PIWIL1: variants seen among roughly 807,000 people sequenced by gnomAD.
The protein encoded by PIWIL1 is piwi-like protein 1.
Under a neutral mutation model 114.4 loss-of-function variants are expected in PIWIL1, and 73 were observed. The ratio of observed to expected loss-of-function variants is 0.64; its 90% CI spans 0.53 to 0.78. The LOEUF (loss-of-function observed/expected upper bound fraction) is 0.78. PIWIL1 is among the 30% of genes least tolerant of loss of function. The probability of loss-of-function intolerance (pLI) is 0.00; values close to 1 mark genes in which losing one functional copy is unlikely to be tolerated. For missense variants in PIWIL1, 723 were observed against 1,063.1 expected (o/e 0.68, Z 4.45); for synonymous variants, 375 against 369.0 (o/e 1.02, Z -0.19).
At chr12:130,347,099 G>T in intron 6 of PIWIL1, 37 bp downstream of exon 6, 1 of 1,447,724 alleles carries the variant, frequency 6.9e-7, no homozygotes. Flanking sequence ...TAAGAAAACA[G>T]CAAAGTTGAA....
At chr12:130,353,263 G>A (rs1313065131) in intron 9 of PIWIL1, among the ~76,000 whole-genome samples, 2 of 144,000 alleles carry the variant, frequency 1.4e-5, no homozygotes, top group African/African-American at 4.9e-5. Flanking sequence ...GGTATGCTCA[G>A]TGGAGGTGTG....
the PIWIL1 span, among the ~76,000 whole-genome samples, chr12:130,392,498 G>GGA: frequency 7.1e-4 from 63 of 89,256 alleles, 8 homozygotes; most frequent in African/African-American, 2.7e-3. Context: ...GTCATCACGT[G>GGA]TCCGTCAGTT....
chr12:130,378,411 T>G, the PIWIL1 span, among the ~76,000 whole-genome samples: 1 of 152,240 alleles, frequency 6.6e-6, no homozygotes, highest in Non-Finnish European at 1.5e-5. Context: ...TTGGCTAGTA[T>G]AGTAGACTAC....
intron 1 of PIWIL1, among the ~76,000 whole-genome samples, chr12:130,339,098 C>T (rs1195458121): frequency 2.0e-5 from 3 of 152,080 alleles, no homozygotes; most frequent in Non-Finnish European, 4.4e-5. Context: ...GCCGCCGCTG[C>T]GCTGCGCCCC....
intron 19 of PIWIL1, among the ~76,000 whole-genome samples, chr12:130,370,078 C>G (rs1211751472): frequency 6.6e-6 from 1 of 152,128 alleles, no homozygotes; most frequent in South Asian, 2.1e-4. Context: ...TTCTTAACTC[C>G]TCATTCTTTG....
chr12:130,346,317 C>A, intron 4 of PIWIL1, 53 bp from the exon 5 acceptor site: 3 of 1,390,586 alleles, frequency 2.2e-6, no homozygotes, highest in Non-Finnish European at 3.0e-6. Context: ...GGAAAGATTT[C>A]AAGGAAAAAT....
At chr12:130,397,309 T>G in the PIWIL1 span, 2 of 398,404 alleles carry the variant, frequency 5.0e-6, no homozygotes, top group African/African-American at 4.1e-5. Flanking sequence ...AAGCCCTAGT[T>G]TGGAATTAAA....
rs1291973628 is a variant in PIWIL1, at chr12:130,340,645, GTGGGGGGAGGGGGGT to G, written c.-12-1931_-12-1917del. ...GGTGGTGGTGGTTGGGGGAGGGGGG[GTGGGGGGAGGGGGGT>G]TGGTGGTGGTGGTGGTGGTGCTGCT... On this transcript the variant is annotated intron_variant, in intron 1 of 20. Transcript: ENST00000245255. Among the ~76,000 whole-genome samples, 16 of 46,776 alleles carry G rather than the reference GTGGGGGGAGGGGGGT, an allele frequency of 3.4e-4. 1 individual carries two copies. Among genetic ancestry groups the G allele is most frequent in the Non-Finnish European group, 6.5e-4 (12 of 18,520 alleles). 30.7% of individuals were successfully genotyped at this position (46,776 alleles called of 152,430 possible). A position where few individuals can be genotyped will look rare whatever the true frequency, so the allele number is the denominator to read the frequency against.
At chr12:130,422,640 G>T in the PIWIL1 span, 1 of 1,041,836 alleles carries the variant, frequency 9.6e-7, no homozygotes, top group Non-Finnish European at 1.4e-6. This position sits in a 1 kb window ranked among gnomAD's most constrained non-coding sequence, Gnocchi z 5.2. Context: ...AATCAAGCGG[G>T]TTGAAAAGCA....
chr12:130,424,724 G>A, the PIWIL1 span: 53 of 1,232,288 alleles, frequency 4.3e-5, no homozygotes, highest in East Asian at 8.2e-4. This position sits in a 1 kb window ranked among gnomAD's most constrained non-coding sequence, Gnocchi z 9.8. Flanking sequence ...CACCCTGCTT[G>A]TGTAGCAGCC....
chr12:130,358,098 T>TG (rs2073414524), intron 14 of PIWIL1, among the ~76,000 whole-genome samples: 1 of 152,124 alleles, frequency 6.6e-6, no homozygotes, highest in Admixed American at 6.5e-5. Context: ...GTGTTGTTGT[T>TG]GTGTGTGCTT....
the PIWIL1 span, among the ~76,000 whole-genome samples, chr12:130,406,687 C>T: frequency 2.6e-5 from 4 of 152,186 alleles, no homozygotes; most frequent in Non-Finnish European, 5.9e-5. Flanking sequence ...CACTGTGTTG[C>T]CCAGGCTGGA....
intron 4 of PIWIL1, 116 bp downstream of exon 4, chr12:130,345,994 T>C: frequency 9.5e-7 from 1 of 1,053,462 alleles, no homozygotes; most frequent in Non-Finnish European, 1.3e-6. Flanking sequence ...GCTTTTCGAT[T>C]TTCCTCACTT....
the PIWIL1 span, among the ~76,000 whole-genome samples, chr12:130,412,084 G>T: frequency 0.039 from 5,969 of 152,122 alleles, 311 homozygotes; most frequent in Admixed American, 0.15. Flanking sequence ...TAAATGTAAT[G>T]TTGCTTAAAA....
chr12:130,354,494 G>C, intron 9 of PIWIL1, 43 bp from the exon 10 acceptor site: 1 of 1,611,838 alleles, frequency 6.2e-7, no homozygotes, highest in Non-Finnish European at 8.5e-7. Flanking sequence ...GATGCTACTC[G>C]AGGCATTTGC....
chr12:130,407,356 T>C, the PIWIL1 span, among the ~76,000 whole-genome samples: 4 of 152,180 alleles, frequency 2.6e-5, no homozygotes, highest in African/African-American at 9.7e-5. Flanking sequence ...GTTCTATGTG[T>C]GGGGCCTGAC....
intron 14 of PIWIL1, among the ~76,000 whole-genome samples, chr12:130,358,086 A>G (rs895401932): frequency 1.3e-5 from 2 of 152,102 alleles, no homozygotes; most frequent in African/African-American, 4.8e-5. Flanking sequence ...TTACCTGCAA[A>G]CGTGTTGTTG....
intron 14 of PIWIL1, 138 bp from the exon 15 acceptor site, chr12:130,361,041 TG>T (rs1422496257): frequency 4.4e-6 from 3 of 681,564 alleles, no homozygotes; most frequent in Non-Finnish European, 7.6e-6. Flanking sequence ...TGATTAGCTG[TG>T]TGGCTGAAAT....
Position 130,356,928 on chromosome 12 carries a change from A to G in PIWIL1, c.1415A>G (p.Asn472Ser). The change falls in exon 13 of 21, where the codon AAT becomes AGT. Residue 472 changes from asparagine to serine, a missense_variant. Coordinates refer to ENST00000245255, the MANE Select transcript of PIWIL1 (RefSeq NM_004764.5). ...IHQGGKTFDY[N>S]PQFADWSKET... Reference sequence around the variant, plus strand: ...TGAACTCTCTTCTAGTTTGATTACAATCCACAATTTGCAGATTGGTCCAAA... The same window carrying G: ...TGAACTCTCTTCTAGTTTGATTACAGTCCACAATTTGCAGATTGGTCCAAA... 1 of 1,608,036 alleles carries G rather than the reference A, an allele frequency of 6.2e-7. No individual in the cohort carries two copies. Among genetic ancestry groups the G allele is most frequent in the South Asian group, 1.1e-5 (1 of 90,280 alleles).
Sources: gnomAD v4.1 joint callset for allele counts (sites outside exome capture counted in the v4.1 genomes callset) on GRCh38, gnomAD v4.1.1 for gene constraint, Gnocchi (gnomAD v3.1) non-coding constraint, MANE v1.5 for transcripts, NCBI Gene and HGNC (gene_info 2026-07-23, HGNC 2026-07-21) for gene names.